The following OARD1 variants were observed in gnomAD, a reference collection of about 807,000 sequenced individuals.
OARD1 encodes the protein O-acyl-ADP-ribose deacylase 1.
In OARD1, 19 loss-of-function variants were observed where a neutral mutation model predicts 19.7. That is an observed-to-expected ratio of 0.96 (90% CI 0.67 to 1.41). The LOEUF (loss-of-function observed/expected upper bound fraction) is 1.41. Ranked by LOEUF, OARD1 falls within the 40% of genes most tolerant of loss-of-function variation. The probability of loss-of-function intolerance (pLI) is 0.00; values close to 1 mark genes in which losing one functional copy is unlikely to be tolerated. For missense variants in OARD1, 190 were observed against 183.8 expected, an observed-to-expected ratio of 1.03 and a Z score of -0.20; for synonymous variants, 70 against 61.8, an observed-to-expected ratio of 1.13 and a Z score of -0.62.
intron 1 of OARD1, among the ~76,000 whole-genome samples, chr6:41,078,772 G>A (rs1763814292): frequency 6.6e-6 from 1 of 152,164 alleles, no homozygotes; most frequent in Non-Finnish European, 1.5e-5. Flanking sequence ...TCTCTTAGGT[G>A]CAAGTATTGC....
upstream of OARD1, among the ~76,000 whole-genome samples, chr6:41,073,801 C>G: frequency 6.6e-6 from 1 of 152,258 alleles, no homozygotes; most frequent in East Asian, 1.9e-4. Context: ...CCTCCCAGCC[C>G]GCTCCGCCCG....
chr6:41,079,013 C>T, intron 1 of OARD1: 1 of 1,327,714 alleles, frequency 7.5e-7, no homozygotes, highest in Non-Finnish European at 1.1e-6. Flanking sequence ...AGTTTCTTTC[C>T]CCACCTTTCT....
At chr6:41,085,647 G>A (rs1445004385) in intron 1 of OARD1, among the ~76,000 whole-genome samples, 3 of 152,120 alleles carry the variant, frequency 2.0e-5, no homozygotes, top group Non-Finnish European at 2.9e-5. Flanking sequence ...AAGCAGCCAT[G>A]ATCCCACTGC....
chr6:41,093,176 C>A, intron 1 of OARD1: 2 of 1,149,878 alleles, frequency 1.7e-6, no homozygotes, highest in Non-Finnish European at 2.4e-6. Flanking sequence ...TTCTCACGTA[C>A]CTTCCAAACA....
At chr6:41,093,215 T>C in intron 1 of OARD1, 1 of 784,538 alleles carries the variant, frequency 1.3e-6, no homozygotes, top group South Asian at 2.3e-5. Flanking sequence ...TTGTCTCTTT[T>C]GTAAGAGTTA....
At chr6:41,097,210 C>A in intron 1 of OARD1, 1 of 687,310 alleles carries the variant, frequency 1.5e-6, no homozygotes. Flanking sequence ...ACACTTTAAG[C>A]CATGTATGCA....
Position 41,071,416 on chromosome 6 carries a change from A to G in OARD1, c.40-140T>C. 4 of 1,011,528 alleles carry G rather than the reference A, an allele frequency of 4.0e-6. No individual in the cohort carries two copies. In the South Asian group the frequency reaches 6.1e-5, roughly 15 times the overall value. 62.7% of individuals were successfully genotyped at this position (1,011,528 alleles called of 1,614,324 possible). On this transcript the variant is annotated intron_variant, in intron 2 of 5. Coordinates refer to ENST00000424266, the MANE Select transcript of OARD1 (RefSeq NM_001329686.2). ...TCTGATTTAAAGCCAAACCAATTAC[A>G]GCATGTGTAAAAGGAAAGTAATGGA...
intron 4 of OARD1, 191 bp downstream of exon 4, chr6:41,069,885 T>A: frequency 1.5e-6 from 1 of 649,946 alleles, no homozygotes; most frequent in Non-Finnish European, 2.8e-6. Context: ...CATTTCTTTC[T>A]AACCCAGTGC....
upstream of OARD1, among the ~76,000 whole-genome samples, chr6:41,073,565 C>T (rs1348147120): frequency 1.3e-5 from 2 of 151,940 alleles, no homozygotes; most frequent in African/African-American, 2.4e-5. Context: ...GGCCCGCGCC[C>T]CCCGCTCCCC....
intron 1 of OARD1, among the ~76,000 whole-genome samples, chr6:41,090,987 G>T (rs919264469): frequency 6.6e-6 from 1 of 152,212 alleles, no homozygotes; most frequent in African/African-American, 2.4e-5. Flanking sequence ...CTAACTGTGT[G>T]CTCTTGTATT....
intron 1 of OARD1, among the ~76,000 whole-genome samples, chr6:41,092,443 G>C (rs1339671121): frequency 1.3e-5 from 2 of 152,148 alleles, no homozygotes; most frequent in Non-Finnish European, 2.9e-5. Flanking sequence ...AAAGAGCTGT[G>C]GGGTACAGGA....
chr6:41,071,106 C>A, intron 3 of OARD1, 26 bp downstream of exon 3: 1 of 1,612,462 alleles, frequency 6.2e-7, no homozygotes, highest in Non-Finnish European at 8.5e-7. Flanking sequence ...CCAGGGCAAA[C>A]CAGGTAAGTG....
chr6:41,089,629 G>A, intron 1 of OARD1: 3 of 1,612,744 alleles, frequency 1.9e-6, no homozygotes, highest in Non-Finnish European at 2.5e-6. Flanking sequence ...GACAGGCTGT[G>A]CAGGTGCAGG....
At chr6:41,069,849 T>G in intron 4 of OARD1, 1 of 597,536 alleles carries the variant, frequency 1.7e-6, no homozygotes, top group Non-Finnish European at 3.0e-6. Flanking sequence ...TACACGACTT[T>G]CCCACAGAGC....
chr6:41,084,115 A>G (rs1265014977), intron 1 of OARD1: 30 of 1,614,050 alleles, frequency 1.9e-5, no homozygotes, highest in Non-Finnish European at 2.5e-5. Flanking sequence ...CCAACCCATC[A>G]TGGTCCAGGC....
chr6:41,090,897 T>A (rs1764182509), intron 1 of OARD1, among the ~76,000 whole-genome samples: 1 of 152,174 alleles, frequency 6.6e-6, no homozygotes, highest in East Asian at 1.9e-4. Context: ...GTCAAATAGT[T>A]AAATCAAAAA....
intron 2 of OARD1, 63 bp downstream of exon 2, chr6:41,071,533 T>C (rs1406844029): frequency 7.5e-7 from 1 of 1,339,706 alleles, no homozygotes; most frequent in Non-Finnish European, 1.1e-6. Flanking sequence ...AAAAAGTGTT[T>C]ATGCTTTTGA....
chr6:41,097,662 C>A, intron 1 of OARD1: 1 of 420,460 alleles, frequency 2.4e-6, no homozygotes, highest in South Asian at 3.0e-5. Flanking sequence ...TTCATGGATT[C>A]GGATGATGCA....
intron 1 of OARD1, among the ~76,000 whole-genome samples, chr6:41,079,553 G>T (rs921465555): frequency 2.6e-5 from 4 of 152,070 alleles, no homozygotes; most frequent in Non-Finnish European, 4.4e-5. Flanking sequence ...TCTGTTTTTT[G>T]ATTTGGTCTG....
Sources: gnomAD v4.1 joint callset for allele counts (sites outside exome capture counted in the v4.1 genomes callset) on GRCh38, gnomAD v4.1.1 for gene constraint, MANE v1.5 for transcripts, NCBI Gene and HGNC (gene_info 2026-07-23, HGNC 2026-07-21) for gene names.